ADAMTSL1: variants seen among roughly 807,000 people sequenced by gnomAD.
The protein encoded by ADAMTSL1 is ADAMTS-like protein 1.
A neutral mutation model predicts 201.8 loss-of-function variants in ADAMTSL1; 126 were observed. The observed-to-expected ratio is 0.62, with a 90% CI of 0.54 to 0.72. The LOEUF is 0.72. Ranked by LOEUF, ADAMTSL1 falls within the 30% of genes least tolerant of loss-of-function variation. The pLI, the probability that ADAMTSL1 is intolerant of heterozygous loss-of-function variation, is 0.00. For missense variants in ADAMTSL1, 2,679 were observed against 2,277.8 expected, an observed-to-expected ratio of 1.18 and a Z score of -3.59; for synonymous variants, 1,121 against 903.4, an observed-to-expected ratio of 1.24 and a Z score of -4.32.
intron 20 of ADAMTSL1, among the ~76,000 whole-genome samples, chr9:18,808,188 C>T (rs2131130697): frequency 6.6e-6 from 1 of 152,324 alleles, no homozygotes; most frequent in South Asian, 2.1e-4. Flanking sequence ...GCCTCCATAA[C>T]AGAATCACCT....
At chr9:18,566,948 A>T (rs1564054631) in intron 3 of ADAMTSL1, among the ~76,000 whole-genome samples, 1 of 152,196 alleles carries the variant, frequency 6.6e-6, no homozygotes, top group Non-Finnish European at 1.5e-5. Context: ...TGGATTGGAT[A>T]TGGAAGTCAA....
chr9:18,339,187 A>G (rs546431507), intron 2 of ADAMTSL1, among the ~76,000 whole-genome samples: 1 of 152,316 alleles, frequency 6.6e-6, no homozygotes, highest in East Asian at 1.9e-4. Flanking sequence ...AGAATGGGAA[A>G]AAATATTTGC....
rs544233471 is a variant in ADAMTSL1 at position 18,288,419 on chromosome 9, C to G, written c.207+124438C>G. Among the ~76,000 whole-genome samples the G allele has an allele frequency of 4.6e-5, 7 of 152,190 alleles. No homozygotes were observed. The East Asian group carries it at 1.4e-3, about 29-fold the overall frequency. On this transcript the variant is annotated intron_variant, in intron 2 of 29. Coordinates refer to the ADAMTSL1 transcript ENST00000680146. ...TTTTTGTTCTTTAAATGTAGCAGTT[C>G]TGAATTTCTCAACTTTAAAGGACTA...
chr9:18,223,818 T>C (rs986737318), intron 2 of ADAMTSL1, among the ~76,000 whole-genome samples: 8 of 152,100 alleles, frequency 5.3e-5, no homozygotes, highest in Non-Finnish European at 1.0e-4. Flanking sequence ...TGATTTTTTT[T>C]TAATTGTGAA....
intron 1 of ADAMTSL1, among the ~76,000 whole-genome samples, chr9:17,983,000 G>T (rs115687826): frequency 2.7e-5 from 4 of 150,538 alleles, no homozygotes; most frequent in African/African-American, 9.8e-5. Flanking sequence ...TTGGGGCTAG[G>T]CATTAGTACT....
chr9:17,907,448 G>A (rs1352892117), intron 1 of ADAMTSL1, among the ~76,000 whole-genome samples: 1 of 152,194 alleles, frequency 6.6e-6, no homozygotes, highest in East Asian at 1.9e-4. Context: ...GCGTTGTAAT[G>A]TGTGCGGACG....
At chr9:18,423,541 T>C (rs1819058978) in intron 2 of ADAMTSL1, among the ~76,000 whole-genome samples, 1 of 152,330 alleles carries the variant, frequency 6.6e-6, no homozygotes, top group African/African-American at 2.4e-5. Flanking sequence ...GAGAATCTTT[T>C]GGAGGCGAGG....
intron 4 of ADAMTSL1, among the ~76,000 whole-genome samples, chr9:18,579,345 T>G (rs1161996533): frequency 6.7e-5 from 5 of 75,166 alleles, no homozygotes; most frequent in East Asian, 9.1e-4. Context: ...GGGACTGTGG[T>G]GGGGAGGGGG....
At chr9:18,032,272 C>G (rs1030575841) in intron 1 of ADAMTSL1, among the ~76,000 whole-genome samples, 1 of 152,182 alleles carries the variant, frequency 6.6e-6, no homozygotes, top group Non-Finnish European at 1.5e-5. Flanking sequence ...TCCTCCTCTG[C>G]CCAAGCTCTG....
intron 7 of ADAMTSL1, among the ~76,000 whole-genome samples, chr9:18,657,056 C>T (rs1030955842): frequency 1.3e-5 from 2 of 152,052 alleles, no homozygotes; most frequent in African/African-American, 4.8e-5. Flanking sequence ...ATTCTTAAAC[C>T]ATCAACATTT....
chr9:18,756,076 A>AATATATATATATATATATATATAT (rs55717414), intron 16 of ADAMTSL1, among the ~76,000 whole-genome samples: 4 of 80,718 alleles, frequency 5.0e-5, no homozygotes, highest in Non-Finnish European at 7.9e-5. Context: ...CTCTACTGAA[A>AATATATATATATATATATATATAT]ATATATATAT....
intron 8 of ADAMTSL1, 24 bp downstream of exon 8, chr9:18,657,774 A>T (rs1828792624): frequency 6.3e-7 from 1 of 1,585,094 alleles, no homozygotes; most frequent in African/African-American, 1.3e-5. Flanking sequence ...CTTAGTCTAA[A>T]AACTGTTGGC....
At chr9:18,148,208 G>A (rs1826739825) in intron 1 of ADAMTSL1, among the ~76,000 whole-genome samples, 1 of 151,786 alleles carries the variant, frequency 6.6e-6, no homozygotes, top group South Asian at 2.1e-4. Flanking sequence ...TGGGCTTTTT[G>A]GAACTGAAGG....
At position 18,250,670 on chromosome 9, in the gene ADAMTSL1, G is replaced by A. The variant is rs916538729; in HGVS notation, c.207+86689G>A. ...GTGGATGGCTGGGGCCCTGGGAAGTGATGCCCATGGAAGTCAGAAGTGTTC... is the reference window on the plus strand; with the variant it reads ...GTGGATGGCTGGGGCCCTGGGAAGTAATGCCCATGGAAGTCAGAAGTGTTC... On this transcript the variant is annotated intron_variant, in intron 2 of 29. Transcript: ENST00000680146. Among the ~76,000 whole-genome samples, 57 of 152,102 alleles carry A rather than the reference G, an allele frequency of 3.7e-4. 1 individual carries two copies. Among genetic ancestry groups the A allele is most frequent in the Admixed American group, 3.3e-4 (5 of 15,280 alleles).
intron 2 of ADAMTSL1, among the ~76,000 whole-genome samples, chr9:18,253,609 T>A (rs1587402720): frequency 6.6e-6 from 1 of 152,170 alleles, no homozygotes; most frequent in East Asian, 1.9e-4. Flanking sequence ...CTCTCACTGC[T>A]CTGTGGGCAA....
intron 2 of ADAMTSL1, among the ~76,000 whole-genome samples, chr9:18,450,054 A>G (rs1477333715): frequency 6.6e-6 from 1 of 152,256 alleles, no homozygotes; most frequent in Non-Finnish European, 1.5e-5. Context: ...AGATTTCTCC[A>G]TGCAAATATA....
chr9:18,706,777 A>G lies in ADAMTSL1; in HGVS notation c.1605A>G (p.Thr535=). The change falls in exon 14 of 29, where the codon ACA becomes ACG. Residue 535 remains threonine, a synonymous_variant. Coordinates refer to ENST00000380548, the MANE Select transcript of ADAMTSL1 (RefSeq NM_001040272.6). The stretch of plus-strand genomic sequence containing the variant: ...TCCCAGAGGCCTGGTCGGCCTGCAC[A>G]GTCACCTGTGGTGTGGGGACCCAGG... ...SFIPEAWSAC[T]VTCGVGTQVR... 6.2e-7 allele frequency: 1 copy of G among 1,607,986 alleles called. No individual in the cohort carries two copies. The highest frequency in any genetic ancestry group is 1.3e-5 in the African/African-American group (1 of 74,932).
At chr9:18,904,732 CTTTTT>C (rs373922316) in intron 26 of ADAMTSL1, among the ~76,000 whole-genome samples, 1 of 55,246 alleles carries the variant, frequency 1.8e-5, no homozygotes, top group Admixed American at 2.2e-4. Flanking sequence ...GTTAAGGGGG[CTTTTT>C]TTTTTTTTTT....
intron 1 of ADAMTSL1, among the ~76,000 whole-genome samples, chr9:17,934,916 A>C (rs1826942772): frequency 6.6e-6 from 1 of 151,928 alleles, no homozygotes. Flanking sequence ...AAAAAAAAAA[A>C]AAAAACTTCT....
Sources: gnomAD v4.1 joint callset for allele counts (sites outside exome capture counted in the v4.1 genomes callset) on GRCh38, gnomAD v4.1.1 for gene constraint, MANE v1.5 for transcripts, NCBI Gene and HGNC (gene_info 2026-07-23, HGNC 2026-07-21) for gene names.